Variants in GRIP2 observed in about 807,000 individuals in gnomAD.
GRIP2 encodes glutamate receptor interacting protein 2, also known as glutamate receptor-interacting protein 2.
In GRIP2, 58 loss-of-function variants were observed where a neutral mutation model predicts 108.3. The ratio of observed to expected loss-of-function variants is 0.54; its 90% CI spans 0.43 to 0.67. GRIP2 has a LOEUF of 0.67. Ranked by LOEUF, GRIP2 falls within the 30% of genes least tolerant of loss-of-function variation. GRIP2 has a pLI of 0.00. For synonymous variants in GRIP2, 586 were observed against 598.2 expected (o/e 0.98, Z 0.30); for missense variants, 1,278 against 1,430.6 (o/e 0.89, Z 1.72).
the GRIP2 span, among the ~76,000 whole-genome samples, chr3:14,593,905 C>T: frequency 2.6e-5 from 4 of 152,332 alleles, no homozygotes; most frequent in South Asian, 8.3e-4. Context: ...ACCACACCCC[C>T]AGTGAAAGCT....
chr3:14,582,940 A>G, the GRIP2 span, among the ~76,000 whole-genome samples: 3 of 152,234 alleles, frequency 2.0e-5, no homozygotes, highest in Non-Finnish European at 4.4e-5. Flanking sequence ...GGCACATAGT[A>G]GCTGCTCAGT....
At chr3:14,501,274 G>C (rs1157844101) in intron 21 of GRIP2, among the ~76,000 whole-genome samples, 1 of 152,192 alleles carries the variant, frequency 6.6e-6, no homozygotes, top group Non-Finnish European at 1.5e-5. Context: ...ATTAGATAGT[G>C]CTGATGATTG....
chr3:14,511,940 C>T lies in GRIP2; in HGVS notation c.1721-461G>A, dbSNP rs564467015. Among the ~76,000 whole-genome samples, 174 of 152,322 alleles carry T rather than the reference C, an allele frequency of 1.1e-3. No individual in the cohort carries two copies. The highest frequency in any genetic ancestry group is 2.2e-3 in the Non-Finnish European group (149 of 68,032). On this transcript the variant is annotated intron_variant, in intron 14 of 23. Transcript: ENST00000621039. This position sits in a 1 kb window ranked among gnomAD's most constrained non-coding sequence, Gnocchi z 4.1. ...ACAGACAGCAATCTCTCCCTGCCCT[C>T]CTGGAGCTGGCACTCCAGTGGTGGT... is the stretch of plus-strand genomic sequence containing the variant.
At chr3:14,584,114 G>A in the GRIP2 span, among the ~76,000 whole-genome samples, 8 of 152,186 alleles carry the variant, frequency 5.3e-5, no homozygotes, top group Non-Finnish European at 8.8e-5. Flanking sequence ...CACTTGCCCA[G>A]GTCACACAGT....
upstream of GRIP2, among the ~76,000 whole-genome samples, chr3:14,546,484 T>A (rs1338691446): frequency 6.6e-6 from 1 of 151,994 alleles, no homozygotes; most frequent in Non-Finnish European, 1.5e-5. Flanking sequence ...GGAATCCAGG[T>A]CCCTTCTGCT....
At chr3:14,527,073 G>A (rs1044980511) in intron 1 of GRIP2, among the ~76,000 whole-genome samples, 1 of 152,166 alleles carries the variant, frequency 6.6e-6, no homozygotes, top group Non-Finnish European at 1.5e-5. Flanking sequence ...TATAGTCCCA[G>A]CTACTCAGGA....
chr3:14,598,058 C>T, the GRIP2 span, among the ~76,000 whole-genome samples: 11 of 152,286 alleles, frequency 7.2e-5, no homozygotes, highest in East Asian at 3.9e-4. Context: ...CTCCAGATGC[C>T]GCTTTGTTCA....
chr3:14,598,596 G>A, the GRIP2 span, among the ~76,000 whole-genome samples: 3 of 151,862 alleles, frequency 2.0e-5, no homozygotes, highest in Non-Finnish European at 2.9e-5. Flanking sequence ...CCAAAACTTT[G>A]GTCATTTTCG....
chr3:14,575,742 T>A, the GRIP2 span, among the ~76,000 whole-genome samples: 3 of 152,190 alleles, frequency 2.0e-5, no homozygotes. Context: ...GGGGCTGTCG[T>A]AAGGGAGGCA....
Position 14,525,887 on chromosome 3 carries a change from C to T in GRIP2, c.85G>A (p.Asp29Asn), listed in dbSNP as rs1322794266. 7 of 1,561,270 alleles carry T rather than the reference C, an allele frequency of 4.5e-6. No individual in the cohort carries two copies. Among genetic ancestry groups the T allele is most frequent in the South Asian group, 2.4e-5 (2 of 84,514 alleles). ...TGTCTGCGGCACGCCAGGGAAACGT[C>T]GGCCCCTCCTGCGTCCTTGCCTCCT... is the stretch of plus-strand genomic sequence containing the variant. ...SKGGKDAGGA[D>N]VSLACRRQSI... The change falls in exon 2 of 24, where the codon GAC (aspartate) becomes AAC (asparagine). Residue 29 changes from aspartate to asparagine, a missense_variant. Transcript: ENST00000621039.
At chr3:14,546,779 G>A (rs1695064672), upstream of GRIP2, among the ~76,000 whole-genome samples, 1 of 152,190 alleles carries the variant, frequency 6.6e-6, no homozygotes, top group Non-Finnish European at 1.5e-5. Flanking sequence ...CCTCAAAATG[G>A]CAAATGCTGG....
At chr3:14,506,754 C>T (rs1288070850) in intron 19 of GRIP2, 47 bp downstream of exon 19, 13 of 1,486,890 alleles carry the variant, frequency 8.7e-6, no homozygotes, top group South Asian at 2.6e-5. Flanking sequence ...GCAGCAGGGG[C>T]GGCCTAGAGA....
At chr3:14,549,747 G>T (rs1166681305) in intron 1 of GRIP2, among the ~76,000 whole-genome samples, 1 of 152,210 alleles carries the variant, frequency 6.6e-6, no homozygotes, top group Non-Finnish European at 1.5e-5. Context: ...GTCCCATGAG[G>T]CTGGGATCAT....
intron 16 of GRIP2, among the ~76,000 whole-genome samples, chr3:14,510,191 A>T (rs976859027): frequency 6.6e-6 from 1 of 152,070 alleles, no homozygotes; most frequent in Non-Finnish European, 1.5e-5. Context: ...AACATTGATG[A>T]CAAGAAACAG....
chr3:14,594,323 C>T, the GRIP2 span, among the ~76,000 whole-genome samples: 8 of 152,338 alleles, frequency 5.3e-5, no homozygotes, highest in African/African-American at 1.4e-4. Flanking sequence ...AGCCCTGCCC[C>T]GGGCTCTGGG....
the GRIP2 span, among the ~76,000 whole-genome samples, chr3:14,576,661 C>T: frequency 6.6e-6 from 1 of 152,206 alleles, no homozygotes; most frequent in Non-Finnish European, 1.5e-5. Context: ...GCCTGACCGT[C>T]GGGCAACACC....
chr3:14,581,077 A>G, the GRIP2 span, among the ~76,000 whole-genome samples: 1 of 152,186 alleles, frequency 6.6e-6, no homozygotes, highest in Non-Finnish European at 1.5e-5. Context: ...GACATGATAG[A>G]TGGATGGATG....
chr3:14,578,403 C>G, the GRIP2 span, among the ~76,000 whole-genome samples: 236 of 152,232 alleles, frequency 1.6e-3, 1 homozygote, highest in African/African-American at 5.3e-3. Context: ...GGAAGTGGTG[C>G]ATATGTGGGT....
At chr3:14,502,241 C>T (rs930769920) in intron 21 of GRIP2, among the ~76,000 whole-genome samples, 2 of 152,010 alleles carry the variant, frequency 1.3e-5, no homozygotes, top group African/African-American at 4.8e-5. Context: ...CTCTGTAATC[C>T]CAGCACTTTG....
Sources: allele counts gnomAD v4.1 joint callset (sites outside exome capture counted in the v4.1 genomes callset), GRCh38; gene constraint gnomAD v4.1.1; non-coding constraint Gnocchi (gnomAD v3.1); transcripts MANE v1.5; gene names NCBI Gene and HGNC (gene_info 2026-07-23, HGNC 2026-07-21).